The following ITGB5 variants were observed in gnomAD, a reference collection of about 807,000 sequenced individuals.
ITGB5 encodes integrin subunit beta 5.
ITGB5 carries 38 observed loss-of-function variants against 84.8 expected under a neutral mutation model. The ratio of observed to expected loss-of-function variants is 0.45; its 90% CI spans 0.35 to 0.59. The LOEUF (loss-of-function observed/expected upper bound fraction) is 0.59. Among genes scored for constraint, ITGB5 ranks in the 20% least tolerant of loss-of-function variants. The probability of loss-of-function intolerance (pLI) is 0.01; values close to 1 mark genes in which losing one functional copy is unlikely to be tolerated. For synonymous variants in ITGB5, 393 were observed against 414.4 expected, an observed-to-expected ratio of 0.95 and a Z score of 0.63; for missense variants, 905 against 1,034.5, an observed-to-expected ratio of 0.87 and a Z score of 1.72.
intron 10 of ITGB5, among the ~76,000 whole-genome samples, chr3:124,781,611 G>T (rs1412173851): frequency 6.6e-6 from 1 of 152,220 alleles, no homozygotes; most frequent in Non-Finnish European, 1.5e-5. Context: ...AAGGGCAAGA[G>T]AGAAGTTGCT....
At chr3:124,849,950 A>G (rs1379413384) in intron 3 of ITGB5, among the ~76,000 whole-genome samples, 1 of 152,174 alleles carries the variant, frequency 6.6e-6, no homozygotes, top group African/African-American at 2.4e-5. Context: ...TTTATCCTGC[A>G]GTAGAACTGT....
chr3:124,846,722 T>G lies in ITGB5; in HGVS notation c.611+1587A>C, dbSNP rs1396429777. Among the ~76,000 whole-genome samples, 15 of 152,086 alleles carry G rather than the reference T, an allele frequency of 9.9e-5. 1 individual carries two copies. The highest frequency in any genetic ancestry group is 9.8e-4 in the Admixed American group (15 of 15,268). ...GCTGAGGTGGATGGGTCGCTTGACG[T>G]CAGGAGTTCAAGACCAGCCTGGCCA... is the stretch of plus-strand genomic sequence containing the variant. On this transcript the variant is annotated intron_variant, in intron 4 of 14. Coordinates refer to ENST00000296181, the MANE Select transcript of ITGB5 (RefSeq NM_002213.5).
intron 1 of ITGB5, among the ~76,000 whole-genome samples, chr3:124,876,826 G>C (rs12631064): frequency 0.82 from 124,654 of 152,140 alleles, 51,195 homozygotes; most frequent in African/African-American, 0.87. Flanking sequence ...GCCATCCAGG[G>C]CCAAATGTGG....
upstream of ITGB5, chr3:124,887,629 G>C (rs756501799): frequency 3.9e-5 from 17 of 439,504 alleles, no homozygotes; most frequent in South Asian, 2.7e-4. Flanking sequence ...AAACCACTGA[G>C]TAGAGCCCGC....
At chr3:124,814,579 C>T (rs996822212) in intron 8 of ITGB5, among the ~76,000 whole-genome samples, 3 of 151,806 alleles carry the variant, frequency 2.0e-5, no homozygotes, top group African/African-American at 4.8e-5. Flanking sequence ...CGGGCTCAGG[C>T]GATCCTCCTG....
chr3:124,818,378 T>C (rs2064639968), intron 7 of ITGB5, among the ~76,000 whole-genome samples: 1 of 152,176 alleles, frequency 6.6e-6, no homozygotes, highest in Non-Finnish European at 1.5e-5. Context: ...AAGGTGTATT[T>C]AGCTCTGAGG....
intron 2 of ITGB5, among the ~76,000 whole-genome samples, chr3:124,868,618 C>A (rs7636895): frequency 1.5e-4 from 10 of 68,160 alleles, no homozygotes; most frequent in Admixed American, 2.2e-4. Context: ...TGTTCTCTAC[C>A]AAAAAAAAAA....
intron 1 of ITGB5, among the ~76,000 whole-genome samples, chr3:124,897,259 ATTG>A (rs899739564): frequency 1.3e-5 from 2 of 151,852 alleles, no homozygotes; most frequent in African/African-American, 4.8e-5. Context: ...TTTTGTTGTT[ATTG>A]TTGTTTTGGA....
chr3:124,889,969 G>A (rs1470642926), upstream of ITGB5, among the ~76,000 whole-genome samples: 1 of 151,920 alleles, frequency 6.6e-6, no homozygotes, highest in Non-Finnish European at 1.5e-5. Context: ...CCAAGATAGC[G>A]CCACTGCACT....
chr3:124,796,540 C>A lies in ITGB5; in HGVS notation c.1541G>T (p.Arg514Leu). The A allele has an allele frequency of 6.2e-7, 1 of 1,614,090 alleles. No homozygotes were observed. Among genetic ancestry groups the A allele is most frequent in the Non-Finnish European group, 8.5e-7 (1 of 1,180,028 alleles). The change falls in exon 10 of 15, where the codon CGG becomes CTG. Residue 514 changes from arginine (R) to leucine (L), a missense_variant. By Grantham distance (102) the Arg-to-Leu change is moderately radical. Transcript: ENST00000296181. ...ENQSVYQNLC[R>L]EAEGKPLCSG... ...GCACAGTGGCTTGCCCTCTGCCTCC[C>A]GGCACAGGTTCTGGTACACGCTCTG...
At chr3:124,825,112 G>A (rs2064765788) in intron 5 of ITGB5, among the ~76,000 whole-genome samples, 3 of 151,794 alleles carry the variant, frequency 2.0e-5, no homozygotes, top group African/African-American at 7.3e-5. Flanking sequence ...CAGGAGAATG[G>A]CGTGAACCTG....
At chr3:124,876,108 T>C (rs1948696) in intron 1 of ITGB5, among the ~76,000 whole-genome samples, 98,883 of 151,980 alleles carry the variant, frequency 0.65, 32,322 homozygotes, top group East Asian at 0.78. Context: ...TAATAATGTA[T>C]TGCACACTTG....
chr3:124,871,318 C>T (rs1382995715), intron 2 of ITGB5, among the ~76,000 whole-genome samples: 2 of 152,148 alleles, frequency 1.3e-5, no homozygotes, highest in African/African-American at 4.8e-5. Flanking sequence ...CCTCAGCCTC[C>T]CAAGTAGCTG....
At position 124,770,810 on chromosome 3, in the gene ITGB5, G is replaced by A. The variant is rs1415743535; in HGVS notation, c.1917-1697C>T. Among the ~76,000 whole-genome samples, 9 of 152,286 alleles carry A rather than the reference G, an allele frequency of 5.9e-5. No homozygotes were observed. The East Asian group carries it at 1.5e-3, about 26-fold the overall frequency. On this transcript the variant is annotated intron_variant, in intron 11 of 14. Transcript: ENST00000296181. ...TAACTCTCCCCACAGTCACAGCCCCGGAAGGCGGGCAGCTGAGACCTGGCT... is the reference window on the plus strand; with the variant it reads ...TAACTCTCCCCACAGTCACAGCCCCAGAAGGCGGGCAGCTGAGACCTGGCT...
intron 1 of ITGB5, among the ~76,000 whole-genome samples, chr3:124,898,328 C>T (rs1431283884): frequency 2.0e-5 from 3 of 151,286 alleles, no homozygotes; most frequent in Non-Finnish European, 2.9e-5. Context: ...TAGAGGATAT[C>T]GTGTAAGTTA....
rs922539903 is a variant in ITGB5, at chr3:124,761,987, A to G, written c.*1636T>C. 3 of 152,208 alleles carry G rather than the reference A, an allele frequency of 2.0e-5. No homozygotes were observed. The highest frequency in any genetic ancestry group is 2.9e-5 in the Non-Finnish European group (2 of 68,032). 9.4% of individuals were successfully genotyped at this position (152,208 alleles called of 1,614,324 possible). A position where few individuals can be genotyped will look rare whatever the true frequency, so the allele number is the denominator to read the frequency against. ...ACATTTATTTTTCTCAATTCAGAAA[A>G]GTCTCAACACCACAATTTATCTGTT... On this transcript the variant is annotated 3_prime_UTR_variant, in exon 15 of 15. Transcript: ENST00000296181.
chr3:124,871,585 G>C (rs1446237295), intron 2 of ITGB5, among the ~76,000 whole-genome samples: 1 of 152,136 alleles, frequency 6.6e-6, no homozygotes, highest in Non-Finnish European at 1.5e-5. Flanking sequence ...CAGCACTTTG[G>C]GAGGCCAAGG....
At chr3:124,817,227 G>A (rs2064615619) in intron 8 of ITGB5, among the ~76,000 whole-genome samples, 1 of 152,194 alleles carries the variant, frequency 6.6e-6, no homozygotes, top group Admixed American at 6.5e-5. Flanking sequence ...CCTGTGGCTG[G>A]TGGATGCTCT....
intron 5 of ITGB5, among the ~76,000 whole-genome samples, chr3:124,840,960 G>A (rs567114131): frequency 8.5e-5 from 13 of 152,238 alleles, no homozygotes; most frequent in South Asian, 8.3e-4. Context: ...CACCACGCCC[G>A]GCCTCACACA....
Sources: allele counts gnomAD v4.1 joint callset (sites outside exome capture counted in the v4.1 genomes callset), GRCh38; gene constraint gnomAD v4.1.1; transcripts MANE v1.5; gene names NCBI Gene and HGNC (gene_info 2026-07-23, HGNC 2026-07-21).